Variants in AFF2 observed in about 807,000 individuals in gnomAD.
AFF2 encodes ALF transcription elongation factor 2, also known as AF4/FMR2 family member 2.
AFF2 carries 14 observed loss-of-function variants against 76.9 expected under a neutral mutation model. The observed-to-expected ratio is 0.18, with a 90% CI of 0.12 to 0.28. AFF2 has a LOEUF of 0.28. AFF2 is among the 10% of genes least tolerant of loss of function. The pLI is 1.00. For synonymous variants in AFF2, 398 were observed against 366.7 expected, an observed-to-expected ratio of 1.09 and a Z score of -0.98; for missense variants, 868 against 1,001.1, an observed-to-expected ratio of 0.87 and a Z score of 1.79.
In AFF2 at chrX:148,665,874, C is replaced by T. The variant is rs141006805; in HGVS notation, c.1041+3106C>T. ...TGAGTTATTACCAAAAAGGCTTATC[C>T]GTGGAGCAATCACAGTATTTCTTTG... On this transcript the variant is annotated intron_variant, in intron 3 of 20. Transcript: ENST00000370460. Among the ~76,000 whole-genome samples, 558 of 111,738 alleles carry T rather than the reference C, an allele frequency of 5.0e-3. 4 individuals carry two copies. The highest frequency in any genetic ancestry group is 0.018 in the African/African-American group (549 of 30,711).
At chrX:148,611,051 C>T (rs1323358497) in intron 1 of AFF2, among the ~76,000 whole-genome samples, 1 of 111,704 alleles carries the variant, frequency 9.0e-6, no homozygotes, top group Non-Finnish European at 1.9e-5. Flanking sequence ...ATTGCTCTGT[C>T]TTCCCAGTAT....
At chrX:148,727,223 T>C (rs1557264326) in intron 3 of AFF2, among the ~76,000 whole-genome samples, 1 of 111,431 alleles carries the variant, frequency 9.0e-6, no homozygotes, top group Non-Finnish European at 1.9e-5. Context: ...AAATATGTCC[T>C]ATAGGAATTG....
At chrX:148,810,885 TC>T (rs782542505) in intron 4 of AFF2, among the ~76,000 whole-genome samples, 38 of 111,228 alleles carry the variant, frequency 3.4e-4, no homozygotes, top group Non-Finnish European at 6.2e-4. Flanking sequence ...TCCAACTCCC[TC>T]CTGATCCCCC....
chrX:148,927,551 C>T (rs2071666646), intron 9 of AFF2, among the ~76,000 whole-genome samples: 1 of 110,825 alleles, frequency 9.0e-6, no homozygotes. Context: ...TCTCATTAGA[C>T]TGTAGTTTAT....
At chrX:148,859,043 A>G (rs1356396731) in intron 7 of AFF2, among the ~76,000 whole-genome samples, 2 of 106,504 alleles carry the variant, frequency 1.9e-5, no homozygotes, top group African/African-American at 6.8e-5. Flanking sequence ...ATTAGCATGA[A>G]AATAGATACT....
intron 1 of AFF2, among the ~76,000 whole-genome samples, chrX:148,630,561 A>G (rs2053969646): frequency 9.0e-6 from 1 of 111,549 alleles, no homozygotes; most frequent in African/African-American, 3.3e-5. Context: ...ACTCCCGCCT[A>G]ACAGTAGAAC....
chrX:148,718,838 G>C (rs1016404592), intron 3 of AFF2, among the ~76,000 whole-genome samples: 3 of 111,186 alleles, frequency 2.7e-5, no homozygotes, highest in Non-Finnish European at 3.8e-5. Flanking sequence ...AGTTAGGCTA[G>C]GTTGAGTGAA....
intron 4 of AFF2, among the ~76,000 whole-genome samples, chrX:148,824,166 G>A (rs1273445880): frequency 8.2e-5 from 9 of 109,531 alleles, no homozygotes; most frequent in African/African-American, 3.0e-4. Flanking sequence ...ATTAAAGGAA[G>A]TACCACAGCA....
At chrX:148,712,748 G>A (rs781832535) in intron 3 of AFF2, among the ~76,000 whole-genome samples, 7 of 112,001 alleles carry the variant, frequency 6.2e-5, no homozygotes, top group African/African-American at 1.9e-4. Context: ...CGCATTCAGC[G>A]ACATTTATTG....
At chrX:148,722,642 C>A (rs1030964443) in intron 3 of AFF2, among the ~76,000 whole-genome samples, 2 of 111,417 alleles carry the variant, frequency 1.8e-5, no homozygotes, top group Admixed American at 1.9e-4. Flanking sequence ...TATTGCATAT[C>A]TGAACATGTC....
intron 1 of AFF2, among the ~76,000 whole-genome samples, chrX:148,601,771 C>A (rs2053629454): frequency 9.0e-6 from 1 of 111,658 alleles, no homozygotes; most frequent in African/African-American, 3.3e-5. Context: ...ATTTTAATAT[C>A]CCAGCGACAA....
intron 7 of AFF2, among the ~76,000 whole-genome samples, chrX:148,885,442 C>T (rs944323600): frequency 9.0e-6 from 1 of 111,265 alleles, no homozygotes; most frequent in African/African-American, 3.3e-5. Flanking sequence ...CTTTTACCTC[C>T]GTCATCCAGA....
chrX:148,565,522 T>C (rs1204997892), intron 1 of AFF2, among the ~76,000 whole-genome samples: 3 of 111,705 alleles, frequency 2.7e-5, no homozygotes, highest in African/African-American at 9.8e-5. Flanking sequence ...CTGTTATCTT[T>C]AGCTTTTCCC....
chrX:148,628,079 A>G (rs1022157509), intron 1 of AFF2, among the ~76,000 whole-genome samples: 1 of 111,242 alleles, frequency 9.0e-6, no homozygotes, highest in African/African-American at 3.3e-5. Context: ...GATTGTAAAG[A>G]AGAAGCCAGG....
chrX:148,530,593 CT>C (rs111769731), intron 1 of AFF2, among the ~76,000 whole-genome samples: 1 of 104,044 alleles, frequency 9.6e-6, no homozygotes, highest in Non-Finnish European at 2.0e-5. Context: ...AAATTTGCTC[CT>C]TTTTTTTTTC....
intron 8 of AFF2, among the ~76,000 whole-genome samples, chrX:148,896,942 T>C: frequency 9.2e-6 from 1 of 108,652 alleles, no homozygotes. Flanking sequence ...TACTTCTCTT[T>C]TGATTAATGA....
chrX:148,757,551 G>C (rs188398990), intron 3 of AFF2, among the ~76,000 whole-genome samples: 1 of 111,276 alleles, frequency 9.0e-6, no homozygotes, highest in Non-Finnish European at 1.9e-5. Flanking sequence ...CCCAGTGAAT[G>C]AGAGTTATTA....
At chrX:148,823,985 A>G (rs1557272787) in intron 4 of AFF2, among the ~76,000 whole-genome samples, 1 of 111,204 alleles carries the variant, frequency 9.0e-6, no homozygotes, top group Non-Finnish European at 1.9e-5. Flanking sequence ...ATAAGAGGGT[A>G]CATCAGACCG....
At chrX:148,611,839 C>T (rs2124402979) in intron 1 of AFF2, among the ~76,000 whole-genome samples, 1 of 111,652 alleles carries the variant, frequency 9.0e-6, no homozygotes, top group Non-Finnish European at 1.9e-5. Flanking sequence ...AGTTAATTGT[C>T]TTTATATGTC....
Sources: allele counts gnomAD v4.1 joint callset (sites outside exome capture counted in the v4.1 genomes callset), GRCh38; gene constraint gnomAD v4.1.1; transcripts MANE v1.5; gene names NCBI Gene and HGNC (gene_info 2026-07-23, HGNC 2026-07-21).